The following WWOX variants were observed in gnomAD, a reference collection of about 807,000 sequenced individuals.
WWOX encodes the protein WW domain containing oxidoreductase.
WWOX carries 69 observed loss-of-function variants against 46.2 expected under a neutral mutation model. The ratio of observed to expected loss-of-function variants is 1.49; its 90% confidence interval spans 1.23 to 1.82. WWOX has a LOEUF of 1.82. WWOX is among the 40% of genes most tolerant of loss of function. The pLI, the probability that WWOX is intolerant of heterozygous loss-of-function variation, is 0.00. For synonymous variants in WWOX, 359 were observed against 202.6 expected (o/e 1.77, Z -6.56); for missense variants, 919 against 542.6 (o/e 1.69, Z -6.89).
At chr16:78,215,373 G>A (rs1280485798) in intron 5 of WWOX, among the ~76,000 whole-genome samples, 5 of 152,312 alleles carry the variant, frequency 3.3e-5, no homozygotes, top group South Asian at 2.1e-4. Flanking sequence ...TGATTGGCCC[G>A]TGGTGGCAGT....
intron 5 of WWOX, among the ~76,000 whole-genome samples, chr16:78,383,622 A>G (rs186871720): frequency 4.6e-5 from 7 of 152,284 alleles, no homozygotes; most frequent in Non-Finnish European, 8.8e-5. Flanking sequence ...TAAAGTTACT[A>G]AGTTTGTTAG....
intron 8 of WWOX, among the ~76,000 whole-genome samples, chr16:78,725,643 A>C (rs1184553069): frequency 6.6e-6 from 1 of 152,040 alleles, no homozygotes; most frequent in African/African-American, 2.4e-5. Flanking sequence ...CATTAAAACA[A>C]AGTAATAAAA....
At chr16:78,999,367 G>A (rs1377534048) in intron 8 of WWOX, among the ~76,000 whole-genome samples, 1 of 152,172 alleles carries the variant, frequency 6.6e-6, no homozygotes, top group Non-Finnish European at 1.5e-5. Context: ...CTACTCGAGA[G>A]GCTGAGGCAG....
intron 5 of WWOX, among the ~76,000 whole-genome samples, chr16:78,316,966 C>T (rs1401788965): frequency 6.6e-6 from 1 of 152,160 alleles, no homozygotes; most frequent in Non-Finnish European, 1.5e-5. Flanking sequence ...AAGACCTGGA[C>T]ATTTGGCTGA....
At chr16:78,820,587 T>C (rs1420717825) in intron 8 of WWOX, among the ~76,000 whole-genome samples, 1 of 152,120 alleles carries the variant, frequency 6.6e-6, no homozygotes, top group African/African-American at 2.4e-5. Context: ...GGCCCTTCCT[T>C]GAAATATAAT....
intron 5 of WWOX, among the ~76,000 whole-genome samples, chr16:78,211,831 C>A (rs2036569115): frequency 6.6e-6 from 1 of 152,110 alleles, no homozygotes; most frequent in Non-Finnish European, 1.5e-5. Flanking sequence ...GAAGGTTGCA[C>A]CAGTGGGAGG....
chr16:78,465,978 G>A (rs555697948), intron 8 of WWOX, among the ~76,000 whole-genome samples: 10 of 152,050 alleles, frequency 6.6e-5, no homozygotes, highest in South Asian at 2.1e-4. Flanking sequence ...TTTCTGGGGC[G>A]GCGGGGAGTA....
chr16:79,167,347 G>A (rs1030724539), intron 8 of WWOX, among the ~76,000 whole-genome samples: 6 of 152,192 alleles, frequency 3.9e-5, no homozygotes, highest in Admixed American at 6.5e-5. Flanking sequence ...GTGAGTATAA[G>A]TGTGATTATT....
At chr16:78,895,817 C>G (rs1166799038) in intron 8 of WWOX, 2 of 152,178 alleles carry the variant, frequency 1.3e-5, no homozygotes, top group East Asian at 1.9e-4. Context: ...TCAACTGACT[C>G]ACAGTATCCG....
chr16:78,978,771 C>A (rs1420889612), intron 8 of WWOX, among the ~76,000 whole-genome samples: 1 of 152,164 alleles, frequency 6.6e-6, no homozygotes, highest in African/African-American at 2.4e-5. Context: ...ACTGGGACAA[C>A]ACCAAGGAGA....
intron 8 of WWOX, among the ~76,000 whole-genome samples, chr16:78,781,448 G>A (rs1356346840): frequency 6.6e-6 from 1 of 152,130 alleles, no homozygotes; most frequent in Non-Finnish European, 1.5e-5. Flanking sequence ...CCAGGAAGGA[G>A]GCTGCATTCA....
At chr16:78,762,743 T>G (rs1192754946) in intron 8 of WWOX, among the ~76,000 whole-genome samples, 2 of 152,314 alleles carry the variant, frequency 1.3e-5, no homozygotes, top group East Asian at 3.9e-4. Context: ...GTCCAAATTC[T>G]ACTACATCCC....
intron 8 of WWOX, among the ~76,000 whole-genome samples, chr16:78,931,696 T>A (rs192480269): frequency 6.6e-6 from 1 of 152,302 alleles, no homozygotes; most frequent in Non-Finnish European, 1.5e-5. Context: ...GGACAAGTGT[T>A]TAGTATTTTC....
intron 5 of WWOX, among the ~76,000 whole-genome samples, chr16:78,214,320 A>G (rs534490267): frequency 5.7e-5 from 7 of 123,714 alleles, no homozygotes; most frequent in South Asian, 5.6e-4. Context: ...CTGAACTTCA[A>G]TTATCTCATC....
intron 8 of WWOX, among the ~76,000 whole-genome samples, chr16:78,701,560 AG>A (rs1425726207): frequency 6.6e-6 from 1 of 150,932 alleles, no homozygotes; most frequent in Non-Finnish European, 1.5e-5. Context: ...TCTTTTTCCC[AG>A]CCTCCCCCCG....
chr16:78,205,081 A>G (rs1049112618), intron 5 of WWOX, among the ~76,000 whole-genome samples: 6 of 152,214 alleles, frequency 3.9e-5, no homozygotes, highest in Non-Finnish European at 5.9e-5. Flanking sequence ...TCTGACATCT[A>G]GAAGCTCAAA....
intron 8 of WWOX, among the ~76,000 whole-genome samples, chr16:79,188,897 G>C (rs1176200008): frequency 6.6e-6 from 1 of 152,194 alleles, no homozygotes; most frequent in Non-Finnish European, 1.5e-5. Flanking sequence ...TGTGTGAGCA[G>C]CTGAGCTAAC....
At chr16:78,943,564 C>T (rs951836513) in intron 8 of WWOX, among the ~76,000 whole-genome samples, 12 of 152,204 alleles carry the variant, frequency 7.9e-5, no homozygotes, top group Non-Finnish European at 1.8e-4. Flanking sequence ...TCTGACACAT[C>T]ACCATTGATC....
At chr16:78,508,310 CTTTT>C (rs60281450) in intron 8 of WWOX, among the ~76,000 whole-genome samples, 28 of 112,754 alleles carry the variant, frequency 2.5e-4, no homozygotes, top group South Asian at 3.3e-4. Flanking sequence ...TGCGCCCGGC[CTTTT>C]TTTTTTTTTT....
Sources: gnomAD v4.1 joint callset for allele counts (sites outside exome capture counted in the v4.1 genomes callset) on GRCh38, gnomAD v4.1.1 for gene constraint, MANE v1.5 for transcripts, NCBI Gene and HGNC (gene_info 2026-07-23, HGNC 2026-07-21) for gene names.